ADARB1: variants seen among roughly 807,000 people sequenced by gnomAD.
ADARB1 encodes adenosine deaminase RNA specific B1.
A neutral mutation model predicts 52.4 loss-of-function variants in ADARB1; 10 were observed. That is an observed-to-expected ratio of 0.19 (90% CI 0.12 to 0.32). The LOEUF is 0.32. Ranked by LOEUF, ADARB1 falls within the 10% of genes least tolerant of loss-of-function variation. The probability of loss-of-function intolerance (pLI) is 1.00; values close to 1 mark genes in which losing one functional copy is unlikely to be tolerated. For synonymous variants in ADARB1, 349 were observed against 371.1 expected (o/e 0.94, Z 0.68); for missense variants, 643 against 922.3 (o/e 0.70, Z 3.92).
At chr21:45,178,866 C>A (rs1051945520) in intron 4 of ADARB1, among the ~76,000 whole-genome samples, 7 of 152,146 alleles carry the variant, frequency 4.6e-5, no homozygotes, top group African/African-American at 1.7e-4. Context: ...TGGCCATGTG[C>A]CTCAGATGTC....
At chr21:45,215,636 T>A (rs531897843) in intron 9 of ADARB1, among the ~76,000 whole-genome samples, 90 of 152,242 alleles carry the variant, frequency 5.9e-4, no homozygotes, top group African/African-American at 2.1e-3. Context: ...TTTAGTTCAT[T>A]TTTCAGTTTG....
intron 2 of ADARB1, among the ~76,000 whole-genome samples, chr21:45,161,509 C>G: frequency 6.6e-6 from 1 of 152,340 alleles, no homozygotes; most frequent in East Asian, 1.9e-4. Flanking sequence ...TGCCTCGGCA[C>G]CCCCAGACTT....
At chr21:45,133,407 C>G (rs910378697) in intron 2 of ADARB1, among the ~76,000 whole-genome samples, 1 of 152,264 alleles carries the variant, frequency 6.6e-6, no homozygotes, top group African/African-American at 2.4e-5. Flanking sequence ...TCTGACTTCT[C>G]TCATCCTTCA....
Position 45,082,948 on chromosome 21 carries a change from A to T in ADARB1, c.-220+8155A>T, listed in dbSNP as rs370217411. Among the ~76,000 whole-genome samples, 41 of 152,198 alleles carry T rather than the reference A, an allele frequency of 2.7e-4. No individual in the cohort carries two copies. The South Asian group carries it at 7.9e-3, about 29-fold the overall frequency. On this transcript the variant is annotated intron_variant, in intron 1 of 10. Transcript: ENST00000348831. ...TTCTTTCCTGCTGTCCCTTCCTGCC[A>T]CTCAGAGCCCTGGCTCCAGCTGTCT...
At chr21:45,150,916 G>GAAACATGTTCA (rs1010402314) in intron 2 of ADARB1, among the ~76,000 whole-genome samples, 4 of 152,354 alleles carry the variant, frequency 2.6e-5, no homozygotes, top group African/African-American at 9.6e-5. Flanking sequence ...CACAATGGGG[G>GAAACATGTTCA]AAACATGTTC....
chr21:45,197,228 G>A (rs1021359980), intron 8 of ADARB1, among the ~76,000 whole-genome samples: 23 of 151,972 alleles, frequency 1.5e-4, no homozygotes, highest in South Asian at 6.2e-4. Context: ...ATGGCCAGGC[G>A]TGGTGGCTCA....
chr21:45,127,820 T>C (rs1162778622), intron 1 of ADARB1, among the ~76,000 whole-genome samples: 1 of 152,200 alleles, frequency 6.6e-6, no homozygotes, highest in East Asian at 1.9e-4. Flanking sequence ...AAAATTTTAA[T>C]ACTCCATATT....
chr21:45,156,355 C>G (rs111220446), intron 2 of ADARB1, among the ~76,000 whole-genome samples: 2 of 144,450 alleles, frequency 1.4e-5, no homozygotes, highest in Admixed American at 6.8e-5. Context: ...ATCTATCCAT[C>G]CACCCACCCA....
intron 7 of ADARB1, among the ~76,000 whole-genome samples, chr21:45,184,080 G>A (rs1465757440): frequency 3.3e-5 from 5 of 152,058 alleles, no homozygotes; most frequent in African/African-American, 9.7e-5. Flanking sequence ...AAAAGCAACA[G>A]GCATACTCAC....
intron 2 of ADARB1, among the ~76,000 whole-genome samples, chr21:45,138,922 CTT>C (rs5844226): frequency 5.7e-4 from 81 of 141,362 alleles, no homozygotes; most frequent in Admixed American, 2.2e-3. Flanking sequence ...TTGTTGTCTT[CTT>C]TTTTTTTTTT....
chr21:45,133,258 A>G (rs2089069662), intron 2 of ADARB1, among the ~76,000 whole-genome samples: 1 of 152,202 alleles, frequency 6.6e-6, no homozygotes, highest in South Asian at 2.1e-4. Flanking sequence ...CTCTTGGCAG[A>G]GCTCAGTTCC....
chr21:45,131,407 A>G (rs2088924354), intron 2 of ADARB1, among the ~76,000 whole-genome samples: 1 of 152,242 alleles, frequency 6.6e-6, no homozygotes, highest in East Asian at 1.9e-4. Context: ...AAAAGTATAG[A>G]AAAATGCATT....
At chr21:45,178,325 T>A (rs1306501296) in intron 4 of ADARB1, among the ~76,000 whole-genome samples, 1 of 152,046 alleles carries the variant, frequency 6.6e-6, no homozygotes, top group East Asian at 1.9e-4. Flanking sequence ...TGGGGAGGGG[T>A]GCAGGTGGGC....
In ADARB1 at chr21:45,225,615, G is replaced by A. The variant is rs2093048359; in HGVS notation, c.*3418G>A. 7.7e-7 allele frequency: 1 copy of A among 1,293,430 alleles called. No homozygotes were observed. Among genetic ancestry groups the A allele is most frequent in the Middle Eastern group, 2.0e-4 (1 of 4,924 alleles). The allele number at this position is 1,293,430 out of a possible 1,614,324, so 80.1% of individuals were successfully genotyped here. A position where few individuals can be genotyped will look rare whatever the true frequency, so the allele number is the denominator to read the frequency against. On this transcript the variant is annotated 3_prime_UTR_variant, in exon 11 of 11. Coordinates refer to ENST00000348831, the MANE Select transcript of ADARB1 (RefSeq NM_001112.4). ...ATCTGAGGATGGGATTAGCGAAGCT[G>A]TGGAGACTGCACATCCGGACCTGCC...
intron 9 of ADARB1, among the ~76,000 whole-genome samples, chr21:45,213,745 CT>C (rs1333992520): frequency 6.6e-6 from 1 of 151,964 alleles, no homozygotes; most frequent in Non-Finnish European, 1.5e-5. Context: ...CTTTTCATTG[CT>C]AAGTAGCATT....
At chr21:45,160,911 T>C (rs994215629) in intron 2 of ADARB1, among the ~76,000 whole-genome samples, 2 of 152,238 alleles carry the variant, frequency 1.3e-5, no homozygotes, top group Non-Finnish European at 2.9e-5. Flanking sequence ...AGTTGAAACA[T>C]GACTGAAAAT....
chr21:45,086,850 A>G (rs964933741), intron 1 of ADARB1, among the ~76,000 whole-genome samples: 8 of 152,338 alleles, frequency 5.3e-5, no homozygotes, highest in Middle Eastern at 6.8e-3. Context: ...GAGCTTCGAA[A>G]TGGAGTTTAA....
intron 2 of ADARB1, among the ~76,000 whole-genome samples, chr21:45,131,515 C>T (rs1569043797): frequency 6.6e-6 from 1 of 152,188 alleles, no homozygotes; most frequent in African/African-American, 2.4e-5. Context: ...TCCTTGTTTC[C>T]GGGGTGGCCC....
At chr21:45,216,337 T>C (rs919296697) in intron 9 of ADARB1, among the ~76,000 whole-genome samples, 7 of 152,136 alleles carry the variant, frequency 4.6e-5, no homozygotes, top group Non-Finnish European at 7.4e-5. Context: ...ATTTCTTTTT[T>C]TTCCGCTTAC....
Sources: gnomAD v4.1 joint callset for allele counts (sites outside exome capture counted in the v4.1 genomes callset) on GRCh38, gnomAD v4.1.1 for gene constraint, MANE v1.5 for transcripts, NCBI Gene and HGNC (gene_info 2026-07-23, HGNC 2026-07-21) for gene names.